The following DIS3L2 variants were observed in gnomAD, a reference collection of about 807,000 sequenced individuals.
The protein encoded by DIS3L2 is DIS3 like 3'-5' exoribonuclease 2.
DIS3L2 carries 34 observed loss-of-function variants against 97.5 expected under a neutral mutation model. The ratio of observed to expected loss-of-function variants is 0.35; its 90% CI spans 0.27 to 0.46. DIS3L2 has a LOEUF of 0.46. Among genes scored for constraint, DIS3L2 ranks in the 20% least tolerant of loss-of-function variants. The probability of loss-of-function intolerance (pLI) is 1.00; values close to 1 mark genes in which losing one functional copy is unlikely to be tolerated. For synonymous variants in DIS3L2, 435 were observed against 445.2 expected (o/e 0.98, Z 0.29); for missense variants, 1,038 against 1,146.0 (o/e 0.91, Z 1.36).
intron 1 of DIS3L2, among the ~76,000 whole-genome samples, chr2:231,995,609 T>C (rs537366032): frequency 4.9e-4 from 75 of 152,318 alleles, no homozygotes; most frequent in African/African-American, 1.5e-3. Context: ...AAACCACTCT[T>C]GATACTAACA....
At chr2:232,015,106 A>G in intron 2 of DIS3L2, 127 bp downstream of exon 2, 3 of 847,946 alleles carry the variant, frequency 3.5e-6, no homozygotes, top group Non-Finnish European at 3.6e-6. Context: ...CCTGTTAAGT[A>G]TTCTGTGTGA....
intron 9 of DIS3L2, among the ~76,000 whole-genome samples, chr2:232,192,270 T>G (rs1285711889): frequency 6.6e-6 from 1 of 152,170 alleles, no homozygotes; most frequent in Non-Finnish European, 1.5e-5. Context: ...TCCTTATTTT[T>G]CAGATAAAGA....
intron 11 of DIS3L2, among the ~76,000 whole-genome samples, chr2:232,240,210 G>T (rs890553623): frequency 3.3e-5 from 5 of 152,180 alleles, no homozygotes; most frequent in Non-Finnish European, 7.3e-5. Context: ...GTACTCTCTG[G>T]ATCACTGAAA....
Position 232,224,164 on chromosome 2 carries a change from A to G in DIS3L2, c.1204+13759A>G, listed in dbSNP as rs180881602. 5.3e-5 allele frequency among the ~76,000 whole-genome samples: 8 copies of G among 152,354 alleles called. No individual in the cohort carries two copies. In the East Asian group the frequency reaches 1.5e-3, roughly 29 times the overall value. ...GCTGCTGCTCAGAAGTCAAGGTAAG[A>G]CTAGAATAGAGAATACAGAAACAGA... is the stretch of plus-strand genomic sequence containing the variant. On this transcript the variant is annotated intron_variant, in intron 10 of 20. Transcript: ENST00000325385.
At chr2:232,205,855 T>A (rs2106212556) in intron 9 of DIS3L2, among the ~76,000 whole-genome samples, 1 of 152,350 alleles carries the variant, frequency 6.6e-6, no homozygotes. Context: ...AAAATTTGTG[T>A]GTCTGTAAGA....
intron 7 of DIS3L2, among the ~76,000 whole-genome samples, chr2:232,133,807 G>A (rs184212822): frequency 2.1e-3 from 315 of 151,872 alleles, no homozygotes; most frequent in Non-Finnish European, 3.5e-3. Flanking sequence ...CCAACATGGC[G>A]AAACCCTGTC....
intron 6 of DIS3L2, among the ~76,000 whole-genome samples, chr2:232,115,712 C>T (rs920836858): frequency 3.9e-5 from 6 of 152,250 alleles, no homozygotes; most frequent in East Asian, 1.9e-4. Flanking sequence ...GTTCCTCTGT[C>T]GCTCTTCTCT....
intron 16 of DIS3L2, among the ~76,000 whole-genome samples, chr2:232,332,472 C>T (rs913694373): frequency 1.3e-5 from 2 of 151,646 alleles, no homozygotes; most frequent in South Asian, 2.1e-4. Context: ...ACAGGCGTGA[C>T]CTTGGACCTC....
intron 10 of DIS3L2, among the ~76,000 whole-genome samples, chr2:232,222,687 G>A (rs1692536852): frequency 2.0e-5 from 3 of 152,058 alleles, no homozygotes; most frequent in South Asian, 2.1e-4. Flanking sequence ...GGTTGGTCTC[G>A]AACTTCTGAC....
intron 5 of DIS3L2, among the ~76,000 whole-genome samples, chr2:232,054,500 A>G (rs1202312778): frequency 6.6e-6 from 1 of 152,212 alleles, no homozygotes; most frequent in Non-Finnish European, 1.5e-5. Context: ...TTCTTTTAGC[A>G]GAGACCTCTA....
rs904430492 is a variant in DIS3L2, at chr2:232,276,316, C to T, written c.1659+12876C>T. On this transcript the variant is annotated intron_variant, in intron 13 of 20. Coordinates refer to ENST00000325385, the MANE Select transcript of DIS3L2 (RefSeq NM_152383.5). The surrounding 1 kb of genome is among the most constrained non-coding windows in gnomAD (Gnocchi z 4.4). Reference sequence around the variant, plus strand: ...CAGTTTCGACCCGTAAATAACAGGGCGCTCTCCCCTTTCATTCTCCTGCCT... The same window carrying T: ...CAGTTTCGACCCGTAAATAACAGGGTGCTCTCCCCTTTCATTCTCCTGCCT... Among the ~76,000 whole-genome samples the T allele has an allele frequency of 3.3e-5, 5 of 152,190 alleles. No homozygotes were observed. Among genetic ancestry groups the T allele is most frequent in the African/African-American group, 7.2e-5 (3 of 41,440 alleles).
intron 13 of DIS3L2, among the ~76,000 whole-genome samples, chr2:232,286,397 G>A (rs893593056): frequency 2.4e-5 from 3 of 126,482 alleles, no homozygotes; most frequent in African/African-American, 1.0e-4. Flanking sequence ...TGCGGCCCAA[G>A]GAGTCCTACA....
rs530683382 is a variant in DIS3L2 at position 232,139,615 on chromosome 2, T to G, written c.950+2896T>G. Among the ~76,000 whole-genome samples the G allele has an allele frequency of 1.4e-3, 219 of 152,264 alleles. 3 individuals are homozygous for G. Among genetic ancestry groups the G allele is most frequent in the African/African-American group, 5.2e-3 (215 of 41,544 alleles). On this transcript the variant is annotated intron_variant, in intron 8 of 20. Coordinates refer to ENST00000325385, the MANE Select transcript of DIS3L2 (RefSeq NM_152383.5). ...TTATCTCTTTGAGTTCTACCTACAGTACAAAACAGAATGTTCTAAGTTCTT... is the reference window on the plus strand; with the variant it reads ...TTATCTCTTTGAGTTCTACCTACAGGACAAAACAGAATGTTCTAAGTTCTT...
At chr2:231,989,988 C>T (rs1325273910) in intron 1 of DIS3L2, among the ~76,000 whole-genome samples, 1 of 152,200 alleles carries the variant, frequency 6.6e-6, no homozygotes, top group Admixed American at 6.5e-5. Flanking sequence ...TGAGTTACTT[C>T]AGGAGAGAGA....
intron 10 of DIS3L2, among the ~76,000 whole-genome samples, chr2:232,227,039 T>C (rs552691514): frequency 2.0e-3 from 311 of 152,204 alleles, no homozygotes; most frequent in Non-Finnish European, 3.5e-3. Context: ...CTAACTGATA[T>C]ATGGACAGCT....
At chr2:232,042,438 T>C (rs73098588) in intron 5 of DIS3L2, among the ~76,000 whole-genome samples, 2,023 of 152,196 alleles carry the variant, frequency 0.013, 50 homozygotes, top group African/African-American at 0.046. Context: ...CTGTTTGGTT[T>C]CTTGGCCTGC....
intron 14 of DIS3L2, among the ~76,000 whole-genome samples, chr2:232,312,259 T>A (rs189268097): frequency 1.3e-5 from 2 of 152,362 alleles, no homozygotes; most frequent in East Asian, 3.9e-4. Flanking sequence ...AAGAAATCTT[T>A]GTCTATATTC....
intron 6 of DIS3L2, among the ~76,000 whole-genome samples, chr2:232,126,564 C>A (rs1217775252): frequency 2.0e-5 from 3 of 152,212 alleles, no homozygotes; most frequent in Non-Finnish European, 4.4e-5. Flanking sequence ...GAAGGCTGGG[C>A]CTCTGCCTTG....
chr2:232,343,633 A>G, exon 14 of DIS3L2: 1 of 1,533,008 alleles, frequency 6.5e-7, no homozygotes, highest in Non-Finnish European at 8.9e-7. Flanking sequence ...GAAAGTAAAC[A>G]GGTAAAGGCT....
Sources: allele counts gnomAD v4.1 joint callset (sites outside exome capture counted in the v4.1 genomes callset), GRCh38; gene constraint gnomAD v4.1.1; non-coding constraint Gnocchi (gnomAD v3.1); transcripts MANE v1.5; gene names NCBI Gene and HGNC (gene_info 2026-07-23, HGNC 2026-07-21).